FCHSD2: variants seen among roughly 807,000 people sequenced by gnomAD.
FCHSD2 encodes FCH and double SH3 domains 2.
In FCHSD2, 38 loss-of-function variants were observed where a neutral mutation model predicts 108.1. The ratio of observed to expected loss-of-function variants is 0.35; its 90% CI spans 0.27 to 0.46. FCHSD2 has a LOEUF of 0.46. Among genes scored for constraint, FCHSD2 ranks in the 20% least tolerant of loss-of-function variants. The pLI, the probability that FCHSD2 is intolerant of heterozygous loss-of-function variation, is 1.00. For synonymous variants in FCHSD2, 279 were observed against 314.7 expected, an observed-to-expected ratio of 0.89 and a Z score of 1.20; for missense variants, 751 against 897.8, an observed-to-expected ratio of 0.84 and a Z score of 2.09.
intron 8 of FCHSD2, among the ~76,000 whole-genome samples, chr11:72,953,357 A>C (rs113474461): frequency 6.6e-6 from 1 of 152,306 alleles, no homozygotes; most frequent in Non-Finnish European, 1.5e-5. Context: ...AAAAATCTTT[A>C]ATCTCTAATT....
intron 8 of FCHSD2, among the ~76,000 whole-genome samples, chr11:72,964,788 A>AC (rs1407229002): frequency 7.6e-6 from 1 of 131,330 alleles, no homozygotes; most frequent in Non-Finnish European, 1.6e-5. Context: ...TGATCATTTC[A>AC]CTTTTTTTTT....
intron 12 of FCHSD2, among the ~76,000 whole-genome samples, chr11:72,885,710 G>A (rs991175930): frequency 7.2e-5 from 11 of 152,014 alleles, no homozygotes; most frequent in Non-Finnish European, 1.0e-4. Flanking sequence ...TCTAGAGTGC[G>A]GAGAAACAAA....
intron 2 of FCHSD2, among the ~76,000 whole-genome samples, chr11:73,121,266 G>A (rs1041763766): frequency 1.3e-5 from 2 of 151,878 alleles, no homozygotes; most frequent in Non-Finnish European, 2.9e-5. Context: ...ATCCCAGAAG[G>A]AGCTCTGGTA....
At chr11:73,091,045 C>G (rs1199037106) in intron 2 of FCHSD2, among the ~76,000 whole-genome samples, 1 of 152,172 alleles carries the variant, frequency 6.6e-6, no homozygotes, top group Non-Finnish European at 1.5e-5. Flanking sequence ...ACTTCTTGCA[C>G]TTAGCATACA....
At chr11:73,077,901 A>C (rs1410031016) in intron 3 of FCHSD2, among the ~76,000 whole-genome samples, 1 of 152,202 alleles carries the variant, frequency 6.6e-6, no homozygotes, top group Non-Finnish European at 1.5e-5. Flanking sequence ...TTGTGTATCA[A>C]CTACATAACA....
At chr11:73,113,353 CTTTTTT>C (rs35979371) in intron 2 of FCHSD2, among the ~76,000 whole-genome samples, 8 of 29,884 alleles carry the variant, frequency 2.7e-4, no homozygotes, top group African/African-American at 1.2e-4. Flanking sequence ...CCAAGATGGT[CTTTTTT>C]TTTTTTTTTT....
intron 3 of FCHSD2, among the ~76,000 whole-genome samples, chr11:73,043,334 T>C (rs905370709): frequency 6.6e-6 from 1 of 152,220 alleles, no homozygotes; most frequent in South Asian, 2.1e-4. Context: ...ATAAATATTA[T>C]CAGTTTCCAT....
At position 72,983,983 on chromosome 11, in the gene FCHSD2, C is replaced by T; in HGVS notation, c.705+105G>A. On this transcript the variant is annotated intron_variant, in intron 8 of 19. Coordinates refer to ENST00000409418, the MANE Select transcript of FCHSD2 (RefSeq NM_014824.3). ...TATATTCCAATGAGATGCAACATAG[C>T]CTGGCTACTCTTTTATAGATTCAAT... 3 of 851,436 alleles carry T rather than the reference C, an allele frequency of 3.5e-6. No homozygotes were observed. The South Asian group carries it at 4.4e-5, about 12-fold the overall frequency. 52.7% of individuals were successfully genotyped at this position (851,436 alleles called of 1,614,324 possible).
At chr11:72,939,246 G>A (rs1209221229) in intron 8 of FCHSD2, among the ~76,000 whole-genome samples, 1 of 151,996 alleles carries the variant, frequency 6.6e-6, no homozygotes, top group Non-Finnish European at 1.5e-5. Flanking sequence ...AAGGAAGGAA[G>A]GTCAAAAAAG....
Position 73,141,887 on chromosome 11 carries a change from G to A in FCHSD2, c.-10C>T, listed in dbSNP as rs955796563. ...TCGGCGGCGGCTGCATGATGCTGAA[G>A]GGACATCAATCCTCCCCGACGGCAG... is the stretch of plus-strand genomic sequence containing the variant. On this transcript the variant is annotated 5_prime_UTR_variant, in exon 1 of 20. Transcript: ENST00000409418. The A allele has an allele frequency of 6.5e-7, 1 of 1,544,544 alleles. No homozygotes were observed. The highest frequency in any genetic ancestry group is 1.2e-5 in the South Asian group (1 of 83,876).
At chr11:73,028,366 A>C (rs2135448026) in intron 3 of FCHSD2, among the ~76,000 whole-genome samples, 1 of 152,350 alleles carries the variant, frequency 6.6e-6, no homozygotes, top group South Asian at 2.1e-4. Flanking sequence ...CTGCCCTGTT[A>C]CGTTTCAGAC....
intron 2 of FCHSD2, among the ~76,000 whole-genome samples, chr11:73,109,465 AT>A (rs1860430581): frequency 6.6e-6 from 1 of 151,230 alleles, no homozygotes; most frequent in African/African-American, 2.4e-5. Flanking sequence ...TAGGCATTTT[AT>A]TTGTAGCTAC....
Position 72,841,453 on chromosome 11 carries a change from CCGT to C in FCHSD2, c.2054_2056del (p.Asn685_Glu686delinsLys). The C allele has an allele frequency of 6.2e-7, 1 of 1,610,000 alleles. No homozygotes were observed. Among genetic ancestry groups the C allele is most frequent in the Non-Finnish European group, 8.5e-7 (1 of 1,178,254 alleles). ...AGACCCATGCCCAGGAGAACCCTTA[CCGT>C]TTGCTGAAGGAGACCGGGGAAAGTA... On this transcript the variant is annotated inframe_deletion and splice_region_variant, in exon 18 of 20. Transcript: ENST00000409418.
At chr11:73,122,711 G>T (rs1860763698) in intron 2 of FCHSD2, among the ~76,000 whole-genome samples, 1 of 152,192 alleles carries the variant, frequency 6.6e-6, no homozygotes, top group South Asian at 2.1e-4. Flanking sequence ...ATGCCTTGGA[G>T]ATGGTACTTA....
intron 8 of FCHSD2, among the ~76,000 whole-genome samples, chr11:72,958,465 C>T (rs1398658221): frequency 2.0e-5 from 3 of 152,188 alleles, no homozygotes; most frequent in African/African-American, 7.2e-5. Context: ...CTGCAGAGAG[C>T]TGAGATCGCA....
intron 3 of FCHSD2, among the ~76,000 whole-genome samples, chr11:73,023,314 A>C (rs564866255): frequency 6.6e-5 from 10 of 152,218 alleles, no homozygotes; most frequent in Non-Finnish European, 1.3e-4. Flanking sequence ...AAGTCCAAAT[A>C]TATAAAGAAT....
chr11:72,977,864 A>G (rs1243824155), intron 8 of FCHSD2, among the ~76,000 whole-genome samples: 1 of 152,242 alleles, frequency 6.6e-6, no homozygotes, highest in Non-Finnish European at 1.5e-5. Flanking sequence ...ACATGCACAT[A>G]TATGTTTACT....
chr11:72,864,054 A>G (rs1172988278), intron 13 of FCHSD2, among the ~76,000 whole-genome samples: 1 of 152,244 alleles, frequency 6.6e-6, no homozygotes, highest in Non-Finnish European at 1.5e-5. Context: ...CACAACAACC[A>G]AAGTCAGAAT....
intron 14 of FCHSD2, among the ~76,000 whole-genome samples, chr11:72,847,103 C>T (rs548505405): frequency 1.3e-5 from 2 of 152,100 alleles, no homozygotes; most frequent in South Asian, 4.1e-4. Context: ...CTCCAGTGAT[C>T]CTCCTGCCTG....
Sources: allele counts gnomAD v4.1 joint callset (sites outside exome capture counted in the v4.1 genomes callset), GRCh38; gene constraint gnomAD v4.1.1; transcripts MANE v1.5; gene names NCBI Gene and HGNC (gene_info 2026-07-23, HGNC 2026-07-21).